Variants in ZFYVE26 observed in about 807,000 individuals in gnomAD.
ZFYVE26 encodes zinc finger FYVE-type containing 26.
Under a neutral mutation model 276.5 loss-of-function variants are expected in ZFYVE26, and 181 were observed. The observed-to-expected ratio is 0.65, with a 90% CI of 0.58 to 0.74. ZFYVE26 has a LOEUF of 0.74. Among genes scored for constraint, ZFYVE26 ranks in the 30% least tolerant of loss-of-function variants. The pLI is 0.00. For missense variants in ZFYVE26, 2,821 were observed against 3,097.9 expected (o/e 0.91, Z 2.12); for synonymous variants, 1,129 against 1,203.1 (o/e 0.94, Z 1.27).
At chr14:67,788,743 C>A (rs2039728212) in intron 16 of ZFYVE26, among the ~76,000 whole-genome samples, 1 of 152,170 alleles carries the variant, frequency 6.6e-6, no homozygotes, top group Non-Finnish European at 1.5e-5. Flanking sequence ...AACCTATTCA[C>A]CACTCCTCCC....
intron 9 of ZFYVE26, among the ~76,000 whole-genome samples, chr14:67,803,216 A>T (rs1366639589): frequency 6.6e-6 from 1 of 152,158 alleles, no homozygotes; most frequent in East Asian, 1.9e-4. Flanking sequence ...ACAAAAAACC[A>T]TGGTGAGAAT....
At chr14:67,750,141 C>T (rs2038597967) in intron 41 of ZFYVE26, among the ~76,000 whole-genome samples, 1 of 152,198 alleles carries the variant, frequency 6.6e-6, no homozygotes, top group Admixed American at 6.5e-5. Context: ...GTTAGGTTCT[C>T]AGTCTGACTC....
rs1186302749 is a variant in ZFYVE26, at chr14:67,754,180, A to G, written c.7019T>C (p.Val2340Ala). The change falls in exon 38 of 42, where the codon GTG (valine) becomes GCG (alanine). Residue 2340 changes from valine (V) to alanine (A), a missense_variant. Transcript: ENST00000347230. ...HMNTLQLQME[V>A]TRFLHRCESA... ...TTCGCACCGATGCAAGAACCTGGTCACTTCCATCTGCAGCTGAAGTGTGTT... is the reference window on the plus strand; with the variant it reads ...TTCGCACCGATGCAAGAACCTGGTCGCTTCCATCTGCAGCTGAAGTGTGTT... 6.8e-6 allele frequency: 11 copies of G among 1,614,264 alleles called. No individual in the cohort carries two copies. The highest frequency in any genetic ancestry group is 9.3e-6 in the Non-Finnish European group (11 of 1,180,052).
At chr14:67,744,025 G>A (rs2038451690), downstream of ZFYVE26, among the ~76,000 whole-genome samples, 1 of 152,178 alleles carries the variant, frequency 6.6e-6, no homozygotes, top group African/African-American at 2.4e-5. Flanking sequence ...ACCAGACATC[G>A]AATGAATTTG....
At chr14:67,736,697 A>G (rs951334437) in intron 13 of ZFYVE26, among the ~76,000 whole-genome samples, 3 of 152,216 alleles carry the variant, frequency 2.0e-5, no homozygotes, top group Non-Finnish European at 4.4e-5. Context: ...CATATTTGAA[A>G]TTGTTTTACG....
chr14:67,759,200 G>A (rs1456849229), intron 35 of ZFYVE26, among the ~76,000 whole-genome samples: 2 of 143,448 alleles, frequency 1.4e-5, no homozygotes, highest in Non-Finnish European at 3.0e-5. Flanking sequence ...AGCCAAGATC[G>A]TGCCACCGCA....
At chr14:67,772,015 T>G in intron 28 of ZFYVE26, 32 bp downstream of exon 28, 1 of 1,607,144 alleles carries the variant, frequency 6.2e-7, no homozygotes, top group Non-Finnish European at 8.5e-7. Context: ...TACCTTCTCC[T>G]GAGGGTGACA....
chr14:67,761,933 T>C (rs1186333239), intron 34 of ZFYVE26: 1 of 559,740 alleles, frequency 1.8e-6, no homozygotes, highest in African/African-American at 1.9e-5. Context: ...TTAACACTAA[T>C]CAGTCTGTGT....
rs763823801 is a variant in ZFYVE26, at chr14:67,785,867, C to CTAG, written c.3292_3294dup (p.Leu1098dup). On this transcript the variant is annotated inframe_insertion, in exon 18 of 42. Coordinates refer to ENST00000347230, the MANE Select transcript of ZFYVE26 (RefSeq NM_015346.4). ...GCAGACAGCCTTATACCTGGCAGCTCTAGTGCCTCTCTCAGTGACTGAAGG... is the reference window on the plus strand; with the variant it reads ...GCAGACAGCCTTATACCTGGCAGCTCTAGTAGTGCCTCTCTCAGTGACTGAAGG... 5 of 1,614,136 alleles carry CTAG rather than the reference C, an allele frequency of 3.1e-6. No homozygotes were observed. The Admixed American group carries it at 8.3e-5, about 27-fold the overall frequency.
At chr14:67,785,464 C>T (rs1404160967) in intron 18 of ZFYVE26, among the ~76,000 whole-genome samples, 187 bp from the exon 19 acceptor site, 1 of 152,124 alleles carries the variant, frequency 6.6e-6, no homozygotes, top group East Asian at 1.9e-4. Flanking sequence ...TGATTCCCAG[C>T]CAGGGAAAGC....
intron 25 of ZFYVE26, among the ~76,000 whole-genome samples, chr14:67,776,928 G>C (rs1285192521): frequency 6.6e-6 from 1 of 152,242 alleles, no homozygotes; most frequent in African/African-American, 2.4e-5. Flanking sequence ...AAGAATGCCA[G>C]AGGGCCCTAG....
intron 13 of ZFYVE26, among the ~76,000 whole-genome samples, chr14:67,738,472 G>T (rs903707805): frequency 3.4e-5 from 5 of 148,912 alleles, no homozygotes; most frequent in Non-Finnish European, 7.4e-5. Flanking sequence ...AATTATTTTG[G>T]AGTAGTTATT....
chr14:67,729,741 A>G (rs756975049), exon 14 of ZFYVE26: 8 of 508,986 alleles, frequency 1.6e-5, no homozygotes, highest in Admixed American at 1.1e-4. Context: ...TTAAATACCA[A>G]TTAGCACAAA....
At chr14:67,782,128 T>G (rs983409651) in intron 21 of ZFYVE26, among the ~76,000 whole-genome samples, 1 of 152,194 alleles carries the variant, frequency 6.6e-6, no homozygotes, top group Non-Finnish European at 1.5e-5. Context: ...CCAAGCCTCC[T>G]ACCCAAAAGT....
intron 31 of ZFYVE26, among the ~76,000 whole-genome samples, chr14:67,766,810 C>T (rs10782455): frequency 0.3 from 45,810 of 151,938 alleles, 7,327 homozygotes; most frequent in East Asian, 0.52. Context: ...AGCAATCCTT[C>T]CACCTCAGCC....
At chr14:67,758,464 T>C (rs1891446648) in intron 35 of ZFYVE26, among the ~76,000 whole-genome samples, 1 of 152,234 alleles carries the variant, frequency 6.6e-6, no homozygotes, top group South Asian at 2.1e-4. Flanking sequence ...AAGTAAAATA[T>C]AGGCCTTCTT....
At chr14:67,785,365 G>A in intron 18 of ZFYVE26, 88 bp from the exon 19 acceptor site, 1 of 1,235,494 alleles carries the variant, frequency 8.1e-7, no homozygotes, top group African/African-American at 1.5e-5. Context: ...TGTGAACTGT[G>A]CCCCCTATAC....
chr14:67,731,046 T>C (rs1006362156), intron 13 of ZFYVE26, among the ~76,000 whole-genome samples: 1 of 152,188 alleles, frequency 6.6e-6, no homozygotes, highest in African/African-American at 2.4e-5. Flanking sequence ...TATTTGTGGG[T>C]TAAATAAAGT....
chr14:67,778,422 TAAAA>T (rs1302090605), intron 23 of ZFYVE26, 174 bp from the exon 24 acceptor site: 5 of 748,716 alleles, frequency 6.7e-6, no homozygotes, highest in Non-Finnish European at 1.1e-5. Context: ...AGCACTACCA[TAAAA>T]AAAAGCAGAT....
Sources: allele counts gnomAD v4.1 joint callset (sites outside exome capture counted in the v4.1 genomes callset), GRCh38; gene constraint gnomAD v4.1.1; transcripts MANE v1.5; gene names NCBI Gene and HGNC (gene_info 2026-07-23, HGNC 2026-07-21).